ATP13A5: variants seen among roughly 807,000 people sequenced by gnomAD.
ATP13A5 encodes ATPase 13A5.
A neutral mutation model predicts 150.2 loss-of-function variants in ATP13A5; 149 were observed. That is an observed-to-expected ratio of 0.99 (90% CI 0.87 to 1.14). The LOEUF (loss-of-function observed/expected upper bound fraction) is 1.14. Ranked by LOEUF, ATP13A5 falls within the 50% of genes most tolerant of loss-of-function variation. ATP13A5 has a pLI of 0.00. For synonymous variants in ATP13A5, 497 were observed against 522.2 expected, an observed-to-expected ratio of 0.95 and a Z score of 0.66; for missense variants, 1,383 against 1,449.3, an observed-to-expected ratio of 0.95 and a Z score of 0.74.
At chr3:193,305,269 T>C (rs1343061050) in intron 23 of ATP13A5, among the ~76,000 whole-genome samples, 1 of 152,074 alleles carries the variant, frequency 6.6e-6, no homozygotes, top group African/African-American at 2.4e-5. Context: ...ACATACCAAA[T>C]AGAGGAGAGA....
intron 22 of ATP13A5, among the ~76,000 whole-genome samples, chr3:193,306,780 T>A (rs1418924006): frequency 6.6e-6 from 1 of 152,246 alleles, no homozygotes; most frequent in Non-Finnish European, 1.5e-5. Context: ...TTTATTTAGC[T>A]TTTTCTATAG....
chr3:193,343,870 A>G (rs1712219526), intron 9 of ATP13A5, 57 bp downstream of exon 9: 2 of 1,577,746 alleles, frequency 1.3e-6, no homozygotes, highest in African/African-American at 2.7e-5. Flanking sequence ...AGGTGAGGAT[A>G]TGTTGATCTG....
intron 27 of ATP13A5, among the ~76,000 whole-genome samples, chr3:193,280,524 C>T (rs564952484): frequency 1.3e-5 from 2 of 152,302 alleles, no homozygotes; most frequent in African/African-American, 4.8e-5. Context: ...CTCTGGAACT[C>T]TGACTTGAAA....
rs778479446 is a variant in ATP13A5, at chr3:193,362,485, C to T, written c.456-24G>A. ...ACCTAGGATGTATTCAGGATAGGAA[C>T]CACACTTCAGTTCATAGCACTCAAC... On this transcript the variant is annotated intron_variant, in intron 4 of 29. Coordinates refer to ENST00000342358, the MANE Select transcript of ATP13A5 (RefSeq NM_198505.4). The T allele has an allele frequency of 2.5e-6, 4 of 1,613,374 alleles. No homozygotes were observed. The African/African-American group carries it at 5.3e-5, about 22-fold the overall frequency.
chr3:193,334,359 C>T (rs116993693), intron 10 of ATP13A5, among the ~76,000 whole-genome samples: 55 of 152,138 alleles, frequency 3.6e-4, no homozygotes, highest in African/African-American at 1.1e-3. Context: ...GAAGTGTTTG[C>T]GGAATCATCC....
intron 9 of ATP13A5, among the ~76,000 whole-genome samples, chr3:193,342,366 A>G (rs951228702): frequency 6.6e-6 from 1 of 152,194 alleles, no homozygotes; most frequent in Non-Finnish European, 1.5e-5. Context: ...AAATATGTAC[A>G]TGAGTGGGAG....
chr3:193,355,639 A>G (rs1712754046), intron 5 of ATP13A5, among the ~76,000 whole-genome samples: 1 of 152,224 alleles, frequency 6.6e-6, no homozygotes, highest in Non-Finnish European at 1.5e-5. Context: ...CCATGAAAAC[A>G]CTGAGGTTCA....
At chr3:193,323,431 G>C (rs1445308747) in intron 14 of ATP13A5, 2 of 152,168 alleles carry the variant, frequency 1.3e-5, no homozygotes, top group Non-Finnish European at 2.9e-5. Context: ...TGCTTTGTTT[G>C]GGATGGATAC....
At chr3:193,335,708 T>C (rs1711830124) in intron 9 of ATP13A5, among the ~76,000 whole-genome samples, 1 of 152,170 alleles carries the variant, frequency 6.6e-6, no homozygotes. Flanking sequence ...CTCAAAATCG[T>C]TAGCCTTTTC....
chr3:193,283,580 T>G (rs1485297426), intron 27 of ATP13A5, among the ~76,000 whole-genome samples: 1 of 151,732 alleles, frequency 6.6e-6, no homozygotes, highest in Non-Finnish European at 1.5e-5. Flanking sequence ...CAAATTTTGT[T>G]TTTTAACTAG....
chr3:193,371,492 G>A (rs1489939), intron 1 of ATP13A5, among the ~76,000 whole-genome samples: 143,189 of 152,282 alleles, frequency 0.94, 67,377 homozygotes, highest in East Asian at 0.97. Context: ...TATGCTGAGC[G>A]TCTTACAAGA....
At chr3:193,288,947 G>C (rs965426048) in intron 26 of ATP13A5, among the ~76,000 whole-genome samples, 4 of 152,044 alleles carry the variant, frequency 2.6e-5, no homozygotes, top group Non-Finnish European at 5.9e-5. Context: ...TCTAGGTTCA[G>C]TCAAAACTTG....
intron 1 of ATP13A5, among the ~76,000 whole-genome samples, chr3:193,369,519 T>C (rs1156444826): frequency 6.6e-6 from 1 of 152,180 alleles, no homozygotes; most frequent in Non-Finnish European, 1.5e-5. Context: ...TAAATGATTA[T>C]TCTTCTGATG....
chr3:193,357,776 C>A (rs1323446990), intron 5 of ATP13A5, among the ~76,000 whole-genome samples: 3 of 152,182 alleles, frequency 2.0e-5, no homozygotes, highest in Admixed American at 6.5e-5. Flanking sequence ...TGAACAATTT[C>A]TCAGCAGGAA....
At chr3:193,302,543 T>G (rs62287610) in intron 23 of ATP13A5, among the ~76,000 whole-genome samples, 1 of 152,022 alleles carries the variant, frequency 6.6e-6, no homozygotes, top group Non-Finnish European at 1.5e-5. Context: ...GCCTCCAAAA[T>G]TACTGCTATT....
chr3:193,315,517 C>T (rs1386519065), intron 17 of ATP13A5, among the ~76,000 whole-genome samples: 2 of 152,126 alleles, frequency 1.3e-5, no homozygotes, highest in African/African-American at 2.4e-5. Flanking sequence ...TAGTTGAATA[C>T]AGTGTCATTC....
rs778680911 is a variant in ATP13A5, at chr3:193,363,360, C to T, written c.260G>A (p.Arg87Lys). 41 of 1,611,536 alleles carry T rather than the reference C, an allele frequency of 2.5e-5. No individual in the cohort carries two copies. The highest frequency in any genetic ancestry group is 3.4e-5 in the Non-Finnish European group (40 of 1,178,964). Residue 87 changes from arginine (R) to lysine (K), a missense_variant, in exon 3 of 30, where the codon AGG (arginine) becomes AAG (lysine). Coordinates refer to ENST00000342358, the MANE Select transcript of ATP13A5 (RefSeq NM_198505.4). ...TAAGTAGAGGCAGAATACCTTCTTCCTCATATATCTTTGAAATTCGTCCTG... is the reference window on the plus strand; with the variant it reads ...TAAGTAGAGGCAGAATACCTTCTTCTTCATATATCTTTGAAATTCGTCCTG... ...RTTDEFQRYM[R>K]KKVFCLYLST... is the part of the protein sequence containing the mutation.
At chr3:193,287,753 G>C (rs113223531) in intron 26 of ATP13A5, among the ~76,000 whole-genome samples, 42 of 152,164 alleles carry the variant, frequency 2.8e-4, no homozygotes, top group African/African-American at 9.6e-4. Context: ...CAAATTTCAA[G>C]TCTTATTTTT....
chr3:193,276,899 A>G, intron 28 of ATP13A5, 69 bp from the exon 29 acceptor site: 2 of 1,130,508 alleles, frequency 1.8e-6, no homozygotes, highest in Admixed American at 4.4e-5. Context: ...CATATTAATT[A>G]TTTAATTTAT....
Sources: gnomAD v4.1 joint callset for allele counts (sites outside exome capture counted in the v4.1 genomes callset) on GRCh38, gnomAD v4.1.1 for gene constraint, MANE v1.5 for transcripts, NCBI Gene and HGNC (gene_info 2026-07-23, HGNC 2026-07-21) for gene names.